METTL8: variants seen among roughly 807,000 people sequenced by gnomAD.
METTL8 encodes the protein tRNA N(3)-cytidine methyltransferase METTL8, mitochondrial.
METTL8 carries 32 observed loss-of-function variants against 48.7 expected under a neutral mutation model. The observed-to-expected ratio is 0.66, with a 90% confidence interval of 0.50 to 0.88. The LOEUF is 0.88. Ranked by LOEUF, METTL8 falls within the 40% of genes least tolerant of loss-of-function variation. METTL8 has a pLI of 0.00. For synonymous variants in METTL8, 136 were observed against 157.1 expected (o/e 0.87, Z 1.01); for missense variants, 464 against 474.4 (o/e 0.98, Z 0.20).
chr2:171,352,798 T>A (rs1684083707), intron 3 of METTL8, among the ~76,000 whole-genome samples: 1 of 152,262 alleles, frequency 6.6e-6, no homozygotes, highest in African/African-American at 2.4e-5. Flanking sequence ...TGTATTTCTG[T>A]GGGATCAGTG....
At chr2:171,416,346 A>G (rs1286231762) in intron 1 of METTL8, among the ~76,000 whole-genome samples, 2 of 152,230 alleles carry the variant, frequency 1.3e-5, no homozygotes, top group Non-Finnish European at 2.9e-5. Context: ...TCACCTTTGT[A>G]TTCTCCAGCT....
chr2:171,409,094 A>G (rs553228166), intron 1 of METTL8, among the ~76,000 whole-genome samples: 230 of 152,320 alleles, frequency 1.5e-3, no homozygotes, highest in African/African-American at 5.3e-3. Context: ...GGTATAGTAG[A>G]GGGCTGAACC....
At chr2:171,431,691 G>A (rs10204895) in intron 1 of METTL8, among the ~76,000 whole-genome samples, 8 of 152,192 alleles carry the variant, frequency 5.3e-5, no homozygotes, top group South Asian at 2.1e-4. Context: ...CACCAGCAGC[G>A]CCTGGTAGCC....
intron 2 of METTL8, among the ~76,000 whole-genome samples, chr2:171,381,780 CTTTTTTTTT>C (rs35185395): frequency 2.4e-5 from 3 of 125,684 alleles, no homozygotes; most frequent in Non-Finnish European, 5.0e-5. Flanking sequence ...ATTAGGAACA[CTTTTTTTTT>C]TTTTTTTTTT....
At chr2:171,371,724 T>C (rs1434757036) in intron 2 of METTL8, among the ~76,000 whole-genome samples, 1 of 151,622 alleles carries the variant, frequency 6.6e-6, no homozygotes, top group Non-Finnish European at 1.5e-5. Context: ...CTCAAACTCC[T>C]GAGTTCAAGC....
In METTL8 at chr2:171,349,414, T is replaced by C. The variant is rs375167685; in HGVS notation, c.236-9860A>G. ...GTCTCAAATAAGTGGAATCATACAG[T>C]ATCTGTCTTTTTGTGGTGGCTTATT... On this transcript the variant is annotated intron_variant, in intron 3 of 9. Coordinates refer to ENST00000375258, the MANE Select transcript of METTL8 (RefSeq NM_001321154.2). Among the ~76,000 whole-genome samples, 8 of 152,344 alleles carry C rather than the reference T, an allele frequency of 5.3e-5. 1 individual carries two copies. Among genetic ancestry groups the C allele is most frequent in the African/African-American group, 1.9e-4 (8 of 41,590 alleles).
rs903246347 is a variant in METTL8, at chr2:171,320,380, CTGTAAT to C, written c.*3786_*3791del. The C allele has an allele frequency of 1.9e-4, 29 of 152,238 alleles. No individual in the cohort carries two copies. The highest frequency in any genetic ancestry group is 7.0e-4 in the African/African-American group (29 of 41,456). 9.4% of individuals were successfully genotyped at this position (152,238 alleles called of 1,614,324 possible). A position where few individuals can be genotyped will look rare whatever the true frequency, so the allele number is the denominator to read the frequency against. On this transcript the variant is annotated 3_prime_UTR_variant, in exon 10 of 10. Coordinates refer to ENST00000375258, the MANE Select transcript of METTL8 (RefSeq NM_001321154.2). ...AAGCTTCTAAAGGTTAACTCACATG[CTGTAAT>C]ACATTATAGAAAGACACGAAGCCGA...
chr2:171,378,263 C>T (rs1687169078), intron 2 of METTL8, among the ~76,000 whole-genome samples: 1 of 152,094 alleles, frequency 6.6e-6, no homozygotes, highest in Non-Finnish European at 1.5e-5. Context: ...AAATGGACAG[C>T]AGAAAAAAGC....
intron 1 of METTL8, among the ~76,000 whole-genome samples, chr2:171,403,635 C>G (rs977697944): frequency 7.9e-5 from 12 of 152,022 alleles, no homozygotes; most frequent in Non-Finnish European, 1.6e-4. Flanking sequence ...ACAAATGTAC[C>G]ATACGAATCT....
At chr2:171,382,553 C>A (rs1210952024) in intron 2 of METTL8, among the ~76,000 whole-genome samples, 1 of 151,874 alleles carries the variant, frequency 6.6e-6, no homozygotes, top group Non-Finnish European at 1.5e-5. Flanking sequence ...GGGGCCTGTC[C>A]AGGGGTGGAG....
At position 171,361,597 on chromosome 2, in the gene METTL8, A is replaced by G. The variant is rs368412015; in HGVS notation, c.144-1084T>C. Among the ~76,000 whole-genome samples the G allele has an allele frequency of 2.0e-5, 3 of 152,186 alleles. No homozygotes were observed. In the East Asian group the frequency reaches 5.8e-4, roughly 29 times the overall value. Reference sequence around the variant, plus strand: ...CACATTACATACATATGTCTTATTTAATCCTTTCAAAAATCCTTTGATAGG... The same window carrying G: ...CACATTACATACATATGTCTTATTTGATCCTTTCAAAAATCCTTTGATAGG... On this transcript the variant is annotated intron_variant, in intron 2 of 9. Transcript: ENST00000375258.
chr2:171,420,231 C>T (rs1273871910), intron 1 of METTL8, among the ~76,000 whole-genome samples: 2 of 152,098 alleles, frequency 1.3e-5, no homozygotes, highest in African/African-American at 2.4e-5. Flanking sequence ...CAAAAGAAAG[C>T]GGCTTGGTCA....
chr2:171,365,513 C>A (rs776148454), intron 2 of METTL8, among the ~76,000 whole-genome samples: 1 of 152,136 alleles, frequency 6.6e-6, no homozygotes, highest in Non-Finnish European at 1.5e-5. Context: ...ATGCTCTGGT[C>A]CCCTGGACCC....
intron 1 of METTL8, among the ~76,000 whole-genome samples, chr2:171,426,176 CA>C (rs527599817): frequency 1.3e-5 from 2 of 151,640 alleles, no homozygotes; most frequent in Non-Finnish European, 2.9e-5. Flanking sequence ...AAAAACAAAA[CA>C]AAAAACATGA....
intron 3 of METTL8, among the ~76,000 whole-genome samples, chr2:171,346,023 T>TTTTTTG (rs202225931): frequency 3.3e-5 from 5 of 152,206 alleles, no homozygotes; most frequent in African/African-American, 4.8e-5. Context: ...GATCTATAGT[T>TTTTTTG]TTTTTGTTTT....
Position 171,357,059 on chromosome 2 carries a change from G to A in METTL8, c.235+3363C>T, listed in dbSNP as rs1684660852. ...TGCAACCTCTGTGTCCTGGGTTCAA[G>A]TGATTCTCCCACCTCAGCCTCCTGA... On this transcript the variant is annotated intron_variant, in intron 3 of 9. Transcript: ENST00000375258. Among the ~76,000 whole-genome samples the A allele has an allele frequency of 3.3e-5, 5 of 149,350 alleles. No homozygotes were observed. In the South Asian group the frequency reaches 1.0e-3, roughly 31 times the overall value.
At chr2:171,326,252 C>A in intron 7 of METTL8, 104 bp from the exon 8 acceptor site, 2 of 634,480 alleles carry the variant, frequency 3.2e-6, no homozygotes, top group Admixed American at 3.4e-5. Flanking sequence ...TTGATAAGGC[C>A]AAAGAAATCT....
rs148369955 is a variant in METTL8, at chr2:171,386,933, C to T, written c.143+5110G>A. On this transcript the variant is annotated intron_variant, in intron 2 of 9. Transcript: ENST00000375258. ...ACCAGCAGGCCACCCACCAGCAGAA[C>T]GACATTTGGCTAGGGCAGCCAGAGG... Among the ~76,000 whole-genome samples, 451 of 152,170 alleles carry T rather than the reference C, an allele frequency of 3.0e-3. 1 individual carries two copies. Among genetic ancestry groups the T allele is most frequent in the Non-Finnish European group, 4.3e-3 (290 of 68,010 alleles).
rs941696355 is a variant in METTL8, at chr2:171,316,708, G to T, written c.*7464C>A. 6.6e-6 allele frequency among the ~76,000 whole-genome samples: 1 copy of T among 152,122 alleles called. No homozygotes were observed. ...ATATCTTGTAGAAAGTCAAAGTAAAGATATAAATATTAAAATAAATGAGGG... is the reference window on the plus strand; with the variant it reads ...ATATCTTGTAGAAAGTCAAAGTAAATATATAAATATTAAAATAAATGAGGG... On this transcript the variant is annotated 3_prime_UTR_variant, in exon 10 of 10. Transcript: ENST00000375258.
Sources: gnomAD v4.1 joint callset for allele counts (sites outside exome capture counted in the v4.1 genomes callset) on GRCh38, gnomAD v4.1.1 for gene constraint, MANE v1.5 for transcripts, NCBI Gene and HGNC (gene_info 2026-07-23, HGNC 2026-07-21) for gene names.